Variants in MTERF4 observed in about 807,000 individuals in gnomAD.
MTERF4 encodes transcription termination factor 4, mitochondrial.
In MTERF4, 17 loss-of-function variants were observed where a neutral mutation model predicts 22.5. The ratio of observed to expected loss-of-function variants is 0.75; its 90% confidence interval spans 0.52 to 1.13. The LOEUF is 1.13. Ranked by LOEUF, MTERF4 falls within the 50% of genes most tolerant of loss-of-function variation. The pLI, the probability that MTERF4 is intolerant of heterozygous loss-of-function variation, is 0.00. For missense variants in MTERF4, 420 were observed against 466.8 expected (o/e 0.90, Z 0.92); for synonymous variants, 165 against 175.3 (o/e 0.94, Z 0.47).
Position 241,073,374 on chromosome 2 carries a change from C to T in MTERF4, n.2788G>A. 6.4e-7 allele frequency: 1 copy of T among 1,557,364 alleles called. No homozygotes were observed. The highest frequency in any genetic ancestry group is 8.7e-7 in the Non-Finnish European group (1 of 1,150,306). ...AGCAAGGACATCGGAAGTGAGTCAGCAGCGCTGGTGGGGACTTTGGGACTG... is the reference window on the plus strand; with the variant it reads ...AGCAAGGACATCGGAAGTGAGTCAGTAGCGCTGGTGGGGACTTTGGGACTG... On this transcript the variant is annotated non_coding_transcript_exon_variant, in exon 5 of 5. Coordinates refer to the MTERF4 transcript ENST00000464344. This position sits in a 1 kb window ranked among gnomAD's most constrained non-coding sequence, Gnocchi z 6.6.
downstream of MTERF4, among the ~76,000 whole-genome samples, chr2:241,070,690 G>T (rs563941133): frequency 1.3e-5 from 2 of 152,346 alleles, no homozygotes; most frequent in Non-Finnish European, 2.9e-5. Flanking sequence ...CAGATGCTCC[G>T]AAGGGCTCAG....
rs574197947 is a variant in MTERF4 at position 241,073,074 on chromosome 2, G to A, written n.3088C>T. 14 of 576,040 alleles carry A rather than the reference G, an allele frequency of 2.4e-5. No individual in the cohort carries two copies. The East Asian group carries it at 3.7e-4, about 15-fold the overall frequency. The allele number at this position is 576,040 out of a possible 1,614,324, so 35.7% of individuals were successfully genotyped here. On this transcript the variant is annotated non_coding_transcript_exon_variant, in exon 5 of 5. Transcript: ENST00000464344. The surrounding 1 kb of genome is among the most constrained non-coding windows in gnomAD (Gnocchi z 6.6). The stretch of plus-strand genomic sequence containing the variant: ...AAGGCCGAGCCCCTCCAGAGGGTCA[G>A]CAGGAGGGTGAGGCCAGCCCTTCAG...
downstream of MTERF4, chr2:241,087,681 C>G: frequency 7.3e-7 from 1 of 1,368,984 alleles, no homozygotes; most frequent in Non-Finnish European, 9.4e-7. Flanking sequence ...AGGGGCACAG[C>G]CGGGCATGCT....
At chr2:241,094,806 T>C (rs2064287531), downstream of MTERF4, 1 of 168,354 alleles carries the variant, frequency 5.9e-6, no homozygotes, top group African/African-American at 2.4e-5. The surrounding 1 kb of genome is among the most constrained non-coding windows in gnomAD (Gnocchi z 4.3). Flanking sequence ...GATCCTAGAA[T>C]GCTACCAAGG....
downstream of MTERF4, chr2:241,092,769 C>T (rs1559328501): frequency 6.6e-6 from 1 of 152,222 alleles, no homozygotes; most frequent in Non-Finnish European, 1.5e-5. This position sits in a 1 kb window ranked among gnomAD's most constrained non-coding sequence, Gnocchi z 4.6. Context: ...TAGACATCCC[C>T]ATCTTTGTAA....
chr2:241,049,550 AG>A, the MTERF4 span, among the ~76,000 whole-genome samples: 10 of 152,240 alleles, frequency 6.6e-5, no homozygotes, highest in Admixed American at 6.5e-4. Context: ...CAGTGATGAC[AG>A]GAAGGCGTTT....
downstream of MTERF4, chr2:241,071,423 C>A: frequency 1.2e-6 from 1 of 851,942 alleles, no homozygotes; most frequent in Non-Finnish European, 1.8e-6. Flanking sequence ...CTGGGGAAGC[C>A]ACAAGCACCT....
At chr2:241,089,881 G>T, downstream of MTERF4, 1 of 1,493,386 alleles carries the variant, frequency 6.7e-7, no homozygotes, top group South Asian at 1.4e-5. Context: ...GCGTGTTACT[G>T]AATACTGTAG....
chr2:241,061,439 C>G, the MTERF4 span, among the ~76,000 whole-genome samples: 56 of 152,294 alleles, frequency 3.7e-4, no homozygotes, highest in Non-Finnish European at 5.6e-4. Flanking sequence ...ACTTTGAAAA[C>G]AATGTGGCAC....
the MTERF4 span, among the ~76,000 whole-genome samples, chr2:241,058,331 AAAG>A: frequency 1.3e-5 from 2 of 151,732 alleles, no homozygotes; most frequent in Admixed American, 6.6e-5. Flanking sequence ...CAATGTTAGA[AAAG>A]AAGAAAATTT....
chr2:241,051,710 C>T, the MTERF4 span: 1 of 1,430,552 alleles, frequency 7.0e-7, no homozygotes. This position sits in a 1 kb window ranked among gnomAD's most constrained non-coding sequence, Gnocchi z 4.7. Context: ...AGCAGCCTGG[C>T]CCCGTTCATC....
In MTERF4 at chr2:241,096,637, C is replaced by A; in HGVS notation, c.706-199G>T. 1.4e-6 allele frequency: 1 copy of A among 710,284 alleles called. No individual in the cohort carries two copies. Among genetic ancestry groups the A allele is most frequent in the Non-Finnish European group, 2.6e-6 (1 of 385,530 alleles). 44.0% of individuals were successfully genotyped at this position (710,284 alleles called of 1,614,324 possible). ...ACACTTTCAAATTCATCCTGAGAAA[C>A]ATGGAGCAGGAAATAAAGGGGTGGG... On this transcript the variant is annotated intron_variant, in intron 3 of 3. Transcript: ENST00000391980. The surrounding 1 kb of genome is among the most constrained non-coding windows in gnomAD (Gnocchi z 5.1).
At chr2:241,056,598 T>TTTTTTTTTA in the MTERF4 span, among the ~76,000 whole-genome samples, 1 of 149,662 alleles carries the variant, frequency 6.7e-6, no homozygotes, top group Non-Finnish European at 1.5e-5. Flanking sequence ...TTTTTTTTTT[T>TTTTTTTTTA]GAGACGGAGT....
chr2:241,053,364 C>T, the MTERF4 span: 2 of 1,523,526 alleles, frequency 1.3e-6, no homozygotes, highest in Non-Finnish European at 8.8e-7. Context: ...CAGGTGGGGC[C>T]CACACCCTCC....
chr2:241,067,962 C>G (rs1375503045), downstream of MTERF4: 1 of 1,599,546 alleles, frequency 6.3e-7, no homozygotes, highest in African/African-American at 1.3e-5. Context: ...GAAGGGACAC[C>G]CAGAGCATGG....
At chr2:241,068,970 G>T (rs1559292028), downstream of MTERF4, 1 of 1,557,198 alleles carries the variant, frequency 6.4e-7, no homozygotes, top group Non-Finnish European at 8.7e-7. The surrounding 1 kb of genome is among the most constrained non-coding windows in gnomAD (Gnocchi z 5.3). Flanking sequence ...GGGCTCAGGG[G>T]AGAGGAGCAC....
intron 2 of MTERF4, 87 bp from the exon 3 acceptor site, chr2:241,097,514 T>C: frequency 1.5e-6 from 2 of 1,298,556 alleles, no homozygotes; most frequent in Non-Finnish European, 2.1e-6. Flanking sequence ...TAAGTCCACA[T>C]TTAAAAACAA....
At chr2:241,095,035 C>T (rs2064307754), downstream of MTERF4, 1 of 147,056 alleles carries the variant, frequency 6.8e-6, no homozygotes, top group Non-Finnish European at 1.5e-5. Context: ...GTTCTTCGGA[C>T]TCATTGAGTT....
the MTERF4 span, among the ~76,000 whole-genome samples, chr2:241,048,058 C>G: frequency 8.2e-6 from 1 of 122,286 alleles, no homozygotes. Context: ...GTGGTCTCTC[C>G]GGTGCTTCTT....
Sources: gnomAD v4.1 joint callset for allele counts (sites outside exome capture counted in the v4.1 genomes callset) on GRCh38, gnomAD v4.1.1 for gene constraint, Gnocchi (gnomAD v3.1) non-coding constraint, MANE v1.5 for transcripts, NCBI Gene and HGNC (gene_info 2026-07-23, HGNC 2026-07-21) for gene names.